SH2D4A: variants seen among roughly 807,000 people sequenced by gnomAD.
SH2D4A encodes SH2 domain containing 4A.
SH2D4A carries 70 observed loss-of-function variants against 64.7 expected under a neutral mutation model. The ratio of observed to expected loss-of-function variants is 1.08; its 90% CI spans 0.89 to 1.32. The LOEUF (loss-of-function observed/expected upper bound fraction) is 1.32. Ranked by LOEUF, SH2D4A falls within the 40% of genes most tolerant of loss-of-function variation. The pLI, the probability that SH2D4A is intolerant of heterozygous loss-of-function variation, is 0.00. For synonymous variants in SH2D4A, 268 were observed against 200.7 expected, an observed-to-expected ratio of 1.34 and a Z score of -2.83; for missense variants, 706 against 540.1, an observed-to-expected ratio of 1.31 and a Z score of -3.04.
intron 1 of SH2D4A, 105 bp downstream of exon 1, chr8:19,313,928 G>A: frequency 7.7e-7 from 1 of 1,290,428 alleles, no homozygotes; most frequent in African/African-American, 1.5e-5. Flanking sequence ...GGAGGCGCAG[G>A]GGCCAGAGCG....
intron 7 of SH2D4A, among the ~76,000 whole-genome samples, chr8:19,370,940 T>C (rs918526222): frequency 2.0e-5 from 3 of 152,130 alleles, no homozygotes; most frequent in Non-Finnish European, 2.9e-5. Context: ...CCTATAGTTA[T>C]AACAAGTTAT....
chr8:19,333,325 T>C (rs1395963210), intron 3 of SH2D4A, among the ~76,000 whole-genome samples: 1 of 152,174 alleles, frequency 6.6e-6, no homozygotes, highest in Non-Finnish European at 1.5e-5. Context: ...AGACTTTTGA[T>C]CTAAAGTCTT....
At chr8:19,318,705 T>G (rs2052132002) in intron 1 of SH2D4A, among the ~76,000 whole-genome samples, 1 of 152,246 alleles carries the variant, frequency 6.6e-6, no homozygotes, top group South Asian at 2.1e-4. Flanking sequence ...ATGTTCTCTC[T>G]TGCACCTGCC....
At chr8:19,347,098 C>T (rs572334444) in intron 4 of SH2D4A, among the ~76,000 whole-genome samples, 3 of 152,158 alleles carry the variant, frequency 2.0e-5, no homozygotes, top group Non-Finnish European at 2.9e-5. Flanking sequence ...GGTGATGCAG[C>T]CGAGGAACCT....
chr8:19,381,997 A>G (rs958501921), intron 8 of SH2D4A, among the ~76,000 whole-genome samples: 1 of 152,104 alleles, frequency 6.6e-6, no homozygotes, highest in African/African-American at 2.4e-5. Flanking sequence ...GGTATGGTAT[A>G]TAATCCTGTT....
chr8:19,342,617 G>T lies in SH2D4A; in HGVS notation c.513+7760G>T, dbSNP rs184304905. Among the ~76,000 whole-genome samples the T allele has an allele frequency of 4.0e-3, 607 of 152,236 alleles. 2 individuals carry two copies. Among genetic ancestry groups the T allele is most frequent in the Non-Finnish European group, 5.5e-3 (376 of 68,014 alleles). On this transcript the variant is annotated intron_variant, in intron 4 of 9. Transcript: ENST00000265807. ...AGGTATTTTTATTCCTGTTCCGAGT[G>T]GGGGGATCCTGTTCCGAGGGCAATG...
chr8:19,341,798 C>T lies in SH2D4A; in HGVS notation c.513+6941C>T, dbSNP rs556309438. On this transcript the variant is annotated intron_variant, in intron 4 of 9. Transcript: ENST00000265807. The stretch of plus-strand genomic sequence containing the variant: ...CAGAAGTTGCAGCGAGCTATGATCA[C>T]GCTACCCAACTCTAGCCCGGGTGAC... Among the ~76,000 whole-genome samples, 54 of 149,264 alleles carry T rather than the reference C, an allele frequency of 3.6e-4. No homozygotes were observed. The East Asian group carries it at 6.1e-3, about 17-fold the overall frequency.
At chr8:19,344,209 C>T (rs1385624528) in intron 4 of SH2D4A, among the ~76,000 whole-genome samples, 1 of 152,132 alleles carries the variant, frequency 6.6e-6, no homozygotes, top group Non-Finnish European at 1.5e-5. Flanking sequence ...GGACTAGGTT[C>T]TCTGATTAGG....
intron 2 of SH2D4A, among the ~76,000 whole-genome samples, chr8:19,324,752 A>C (rs2117185812): frequency 6.6e-6 from 1 of 152,140 alleles, no homozygotes; most frequent in African/African-American, 2.4e-5. Flanking sequence ...CTCCTTTGAA[A>C]ATTTACTGAA....
intron 7 of SH2D4A, among the ~76,000 whole-genome samples, chr8:19,367,132 AC>A (rs1196015099): frequency 6.6e-6 from 1 of 152,050 alleles, no homozygotes; most frequent in African/African-American, 2.4e-5. Context: ...TATATACACC[AC>A]ATTTTCTTGA....
In SH2D4A at chr8:19,393,423, A is replaced by G. The variant is rs374671753; in HGVS notation, c.1154A>G (p.Tyr385Cys). 1.1e-5 allele frequency: 17 copies of G among 1,614,086 alleles called. No homozygotes were observed. In the South Asian group the frequency reaches 1.8e-4, roughly 17 times the overall value. ...SERIKGYALSYLSEDGCKHFL... is the reference protein window; with the variant it reads ...SERIKGYALSCLSEDGCKHFL... ...AGGATCAAAGGCTATGCCCTGTCCTATCTGTCGGAGGACGGCTGTAAACAT... is the reference window on the plus strand; with the variant it reads ...AGGATCAAAGGCTATGCCCTGTCCTGTCTGTCGGAGGACGGCTGTAAACAT... Residue 385 changes from tyrosine to cysteine, a missense_variant, in exon 9 of 10, where the codon TAT becomes TGT. By Grantham distance (194) the Tyr-to-Cys change is radical. Coordinates refer to ENST00000265807, the MANE Select transcript of SH2D4A (RefSeq NM_022071.4).
At chr8:19,326,084 G>A (rs2052274677) in intron 2 of SH2D4A, among the ~76,000 whole-genome samples, 1 of 152,190 alleles carries the variant, frequency 6.6e-6, no homozygotes, top group African/African-American at 2.4e-5. Flanking sequence ...GACTGTATGA[G>A]GTAAGCTGGC....
At chr8:19,393,563 A>G (rs2153652797) in intron 9 of SH2D4A, 22 bp downstream of exon 9, 1 of 1,610,428 alleles carries the variant, frequency 6.2e-7, no homozygotes, top group Non-Finnish European at 8.5e-7. Flanking sequence ...CATAAACTTA[A>G]TTTGCCTTCT....
At position 19,388,281 on chromosome 8, in the gene SH2D4A, C is replaced by T. The variant is rs149387097; in HGVS notation, c.1049-5037C>T. Among the ~76,000 whole-genome samples the T allele has an allele frequency of 1.5e-3, 223 of 152,310 alleles. 1 individual carries two copies. The highest frequency in any genetic ancestry group is 6.8e-3 in the Middle Eastern group (2 of 294). ...CACTTGCCTTTTCTGCGTTAGTTTC[C>T]TCATCTATAAAATACAGATGACGAT... On this transcript the variant is annotated intron_variant, in intron 8 of 9. Coordinates refer to ENST00000265807, the MANE Select transcript of SH2D4A (RefSeq NM_022071.4).
intron 1 of SH2D4A, among the ~76,000 whole-genome samples, chr8:19,315,763 T>C (rs1190933591): frequency 2.6e-5 from 4 of 152,232 alleles, no homozygotes; most frequent in Non-Finnish European, 4.4e-5. Flanking sequence ...TTTGAATCAG[T>C]ATCAGCAATG....
At chr8:19,355,667 C>G (rs1417040897) in intron 4 of SH2D4A, among the ~76,000 whole-genome samples, 1 of 152,216 alleles carries the variant, frequency 6.6e-6, no homozygotes, top group Non-Finnish European at 1.5e-5. Flanking sequence ...GTTTCCTCAT[C>G]TGAAAATTGC....
chr8:19,334,657 T>C (rs1312887257), intron 3 of SH2D4A, 29 bp from the exon 4 acceptor site: 2 of 1,567,226 alleles, frequency 1.3e-6, no homozygotes, highest in Non-Finnish European at 1.7e-6. Flanking sequence ...AGAATGTTTT[T>C]TGAGAATTTC....
At chr8:19,329,766 T>A (rs1380323182) in intron 2 of SH2D4A, among the ~76,000 whole-genome samples, 1 of 152,170 alleles carries the variant, frequency 6.6e-6, no homozygotes. Context: ...TCTTTCTTAC[T>A]CTCCCTTTGC....
chr8:19,392,018 C>CCAT (rs2153652576), intron 8 of SH2D4A, among the ~76,000 whole-genome samples: 1 of 152,202 alleles, frequency 6.6e-6, no homozygotes, highest in South Asian at 2.1e-4. Flanking sequence ...ATTGACTTCC[C>CCAT]CATCTTTCCA....
Sources: allele counts gnomAD v4.1 joint callset (sites outside exome capture counted in the v4.1 genomes callset), GRCh38; gene constraint gnomAD v4.1.1; transcripts MANE v1.5; gene names NCBI Gene and HGNC (gene_info 2026-07-23, HGNC 2026-07-21).